Variants in SLC2A1 observed in about 807,000 individuals in gnomAD.
SLC2A1 encodes the protein solute carrier family 2, facilitated glucose transporter member 1.
SLC2A1 carries 4 observed loss-of-function variants against 46.6 expected under a neutral mutation model. The ratio of observed to expected loss-of-function variants is 0.09; its 90% CI spans 0.04 to 0.20. The LOEUF is 0.20. SLC2A1 is among the 10% of genes least tolerant of loss of function. The pLI, the probability that SLC2A1 is intolerant of heterozygous loss-of-function variation, is 1.00. For synonymous variants in SLC2A1, 253 were observed against 270.0 expected (o/e 0.94, Z 0.62); for missense variants, 352 against 667.0 (o/e 0.53, Z 5.20).
In SLC2A1 at chr1:42,927,885, G is replaced by T; in HGVS notation, c.1075-77C>A. ...CTCAGGGGAAACAGAAGCTACAGAG[G>T]CCAGAGCAGAGCTATGCGAGAAGGC... On this transcript the variant is annotated intron_variant, in intron 8 of 9. Coordinates refer to ENST00000426263, the MANE Select transcript of SLC2A1 (RefSeq NM_006516.4). The surrounding 1 kb of genome is among the most constrained non-coding windows in gnomAD (Gnocchi z 5.3). 3.5e-6 allele frequency: 4 copies of T among 1,138,518 alleles called. No individual in the cohort carries two copies. The highest frequency in any genetic ancestry group is 4.2e-4 in the Middle Eastern group (2 of 4,716). 70.5% of individuals were successfully genotyped at this position (1,138,518 alleles called of 1,614,324 possible). A position where few individuals can be genotyped will look rare whatever the true frequency, so the allele number is the denominator to read the frequency against.
At chr1:42,944,502 G>T (rs1643630282) in intron 1 of SLC2A1, among the ~76,000 whole-genome samples, 1 of 152,208 alleles carries the variant, frequency 6.6e-6, no homozygotes, top group South Asian at 2.1e-4. Flanking sequence ...TGGCCTGGCT[G>T]TGGGTCTCTG....
At chr1:42,939,548 C>A (rs1643575458) in intron 2 of SLC2A1, among the ~76,000 whole-genome samples, 1 of 152,248 alleles carries the variant, frequency 6.6e-6, no homozygotes, top group Non-Finnish European at 1.5e-5. Flanking sequence ...GTCAGAGGTT[C>A]TGCCCATATT....
intron 2 of SLC2A1, among the ~76,000 whole-genome samples, chr1:42,939,467 A>G (rs1180405185): frequency 6.6e-6 from 1 of 152,158 alleles, no homozygotes; most frequent in Admixed American, 6.5e-5. Flanking sequence ...GTGACCATAC[A>G]TGGTCCTATG....
chr1:42,941,417 T>C (rs1643596642), intron 2 of SLC2A1, among the ~76,000 whole-genome samples: 1 of 152,200 alleles, frequency 6.6e-6, no homozygotes, highest in Admixed American at 6.5e-5. Context: ...ACTCACGCTT[T>C]ACTGAATGCC....
intron 2 of SLC2A1, among the ~76,000 whole-genome samples, chr1:42,934,209 TCA>T (rs775031535): frequency 1.3e-5 from 2 of 152,146 alleles, no homozygotes; most frequent in African/African-American, 2.4e-5. Flanking sequence ...CTGCCTGTGG[TCA>T]CACAGTCAAA....
rs1303771352 is a variant in SLC2A1 at position 42,954,213 on chromosome 1, A to T, written c.18+4421T>A. Among the ~76,000 whole-genome samples, 3 of 94,850 alleles carry T rather than the reference A, an allele frequency of 3.2e-5. No individual in the cohort carries two copies. Among genetic ancestry groups the T allele is most frequent in the Non-Finnish European group, 5.9e-5 (3 of 50,898 alleles). 62.2% of individuals were successfully genotyped at this position (94,850 alleles called of 152,430 possible). ...CAGACAGGCATGTGGAGAAGAAAGC[A>T]TCTTTAAAAAAAAAACACAGCTAGG... On this transcript the variant is annotated intron_variant, in intron 1 of 9. Transcript: ENST00000426263. This position sits in a 1 kb window ranked among gnomAD's most constrained non-coding sequence, Gnocchi z 4.2.
At chr1:42,945,749 A>AC (rs1643648212) in intron 1 of SLC2A1, among the ~76,000 whole-genome samples, 1 of 104,058 alleles carries the variant, frequency 9.6e-6, no homozygotes, top group Non-Finnish European at 1.7e-5. Context: ...AAAAAAAAAA[A>AC]AAAACAAAAA....
intron 2 of SLC2A1, among the ~76,000 whole-genome samples, chr1:42,938,185 C>T (rs1557649524): frequency 6.6e-6 from 1 of 151,854 alleles, no homozygotes. Flanking sequence ...GTCAGGATTC[C>T]CTGGTTCATT....
At chr1:42,951,600 A>C in intron 1 of SLC2A1, 1 of 374,156 alleles carries the variant, frequency 2.7e-6, no homozygotes, top group Non-Finnish European at 4.7e-6. Flanking sequence ...TAAACACCAA[A>C]CTGTCAAAAC....
intron 2 of SLC2A1, 191 bp downstream of exon 2, chr1:42,943,035 T>A: frequency 1.6e-6 from 1 of 635,154 alleles, no homozygotes; most frequent in South Asian, 1.8e-5. Context: ...TCTAGAATTC[T>A]GCCACCCTGA....
At chr1:42,937,198 C>T (rs1643550881) in intron 2 of SLC2A1, among the ~76,000 whole-genome samples, 1 of 152,232 alleles carries the variant, frequency 6.6e-6, no homozygotes, top group Admixed American at 6.5e-5. Flanking sequence ...GTACCGTGTG[C>T]TCCCTGTACA....
At chr1:42,931,014 C>T (rs1643483904) in intron 3 of SLC2A1, 32 bp downstream of exon 3, 1 of 1,613,406 alleles carries the variant, frequency 6.2e-7, no homozygotes, top group Non-Finnish European at 8.5e-7. Flanking sequence ...CATGGGCCCT[C>T]CAAGGGCAGT....
chr1:42,927,238 G>A lies in SLC2A1; in HGVS notation c.1282C>T (p.Leu428=), dbSNP rs137868589. 22 of 1,613,876 alleles carry A rather than the reference G, an allele frequency of 1.4e-5. No individual in the cohort carries two copies. The African/African-American group carries it at 2.5e-4, about 19-fold the overall frequency. The change falls in exon 10 of 10, where the codon CTG becomes TTG. Residue 428 remains leucine (L), a synonymous_variant. Transcript: ENST00000426263. This position sits in a 1 kb window ranked among gnomAD's most constrained non-coding sequence, Gnocchi z 5.3. The part of the protein sequence containing the change: ...VGMCFQYVEQ[L]CGPYVFIIFT... ...ATGATGAAGACGTAGGGACCACACAGTTGCTGAAAGACACACAGACACACT... is the reference window on the plus strand; with the variant it reads ...ATGATGAAGACGTAGGGACCACACAATTGCTGAAAGACACACAGACACACT...
At chr1:42,943,161 T>TG in intron 2 of SLC2A1, 65 bp downstream of exon 2, 2 of 1,039,002 alleles carry the variant, frequency 1.9e-6, no homozygotes, top group Non-Finnish European at 3.0e-6. Flanking sequence ...CGTGAGACTG[T>TG]GGGCATGTGT....
At chr1:42,944,018 C>T (rs1038815650) in intron 1 of SLC2A1, among the ~76,000 whole-genome samples, 10 of 152,184 alleles carry the variant, frequency 6.6e-5, no homozygotes, top group Non-Finnish European at 1.2e-4. Context: ...GAGCTCAGGG[C>T]TCCGGACTCC....
At chr1:42,940,918 G>T (rs1227642649) in intron 2 of SLC2A1, among the ~76,000 whole-genome samples, 1 of 152,050 alleles carries the variant, frequency 6.6e-6, no homozygotes, top group Non-Finnish European at 1.5e-5. Context: ...CTCCATTCCT[G>T]CACATCCCAC....
chr1:42,947,949 C>CA (rs1643676523), intron 1 of SLC2A1, among the ~76,000 whole-genome samples: 1 of 152,172 alleles, frequency 6.6e-6, no homozygotes, highest in South Asian at 2.1e-4. Context: ...CAGCACCCCA[C>CA]AAAACCCTCC....
intron 2 of SLC2A1, among the ~76,000 whole-genome samples, chr1:42,931,792 C>CTTCA (rs1643492675): frequency 7.2e-6 from 1 of 138,634 alleles, no homozygotes; most frequent in African/African-American, 2.6e-5. Context: ...TGCCACTGCA[C>CTTCA]TTCAGCCTGA....
chr1:42,948,744 C>A (rs1348750709), intron 1 of SLC2A1, among the ~76,000 whole-genome samples: 1 of 152,028 alleles, frequency 6.6e-6, no homozygotes, highest in African/African-American at 2.4e-5. Context: ...GCTTGGCCAA[C>A]ACAGCAAAAC....
Sources: allele counts gnomAD v4.1 joint callset (sites outside exome capture counted in the v4.1 genomes callset), GRCh38; gene constraint gnomAD v4.1.1; non-coding constraint Gnocchi (gnomAD v3.1); transcripts MANE v1.5; gene names NCBI Gene and HGNC (gene_info 2026-07-23, HGNC 2026-07-21).